Variants in DIP2B observed in about 807,000 individuals in gnomAD.
DIP2B encodes the protein disco-interacting protein 2 homolog B.
In DIP2B, 76 loss-of-function variants were observed where a neutral mutation model predicts 198.0. That is an observed-to-expected ratio of 0.38 (90% confidence interval 0.32 to 0.46). DIP2B has a LOEUF of 0.46. Among genes scored for constraint, DIP2B ranks in the 20% least tolerant of loss-of-function variants. The pLI is 0.99. For missense variants in DIP2B, 1,559 were observed against 1,978.4 expected (o/e 0.79, Z 4.02); for synonymous variants, 701 against 739.1 (o/e 0.95, Z 0.84).
At chr12:50,668,693 A>G (rs1307513337) in intron 4 of DIP2B, among the ~76,000 whole-genome samples, 1 of 152,216 alleles carries the variant, frequency 6.6e-6, no homozygotes, top group Non-Finnish European at 1.5e-5. Context: ...AAAGCAGCCC[A>G]CAAATCCAAT....
In DIP2B at chr12:50,714,497, A is replaced by G. The variant is rs1229787910; in HGVS notation, c.2752A>G (p.Lys918Glu). Residue 918 changes from lysine (K) to glutamate (E), a missense_variant, in exon 23 of 38, where the codon AAA (lysine) becomes GAA (glutamate). Lys to Glu is a moderately conservative substitution (Grantham distance 56, BLOSUM62 1). Transcript: ENST00000301180. ...AGGAGGAATCCATATATCTCAGACG[A>G]AACAACTCTTTCTGGAGGGATCACT... Reference protein sequence around the residue: ...PLGGIHISQTKQLFLEGSLHP... With the variant: ...PLGGIHISQTEQLFLEGSLHP... The G allele has an allele frequency of 1.2e-6, 2 of 1,614,100 alleles. No homozygotes were observed. The highest frequency in any genetic ancestry group is 1.7e-6 in the Non-Finnish European group (2 of 1,180,042).
At chr12:50,563,402 G>C (rs1022009976) in intron 1 of DIP2B, among the ~76,000 whole-genome samples, 6 of 151,050 alleles carry the variant, frequency 4.0e-5, no homozygotes, top group African/African-American at 1.5e-4. Context: ...GCCCAGGCTG[G>C]TCTTGAACTC....
intron 1 of DIP2B, among the ~76,000 whole-genome samples, chr12:50,578,560 T>C (rs1371858438): frequency 5.2e-5 from 7 of 134,864 alleles, no homozygotes; most frequent in African/African-American, 2.0e-4. Context: ...CAGGCGGGAG[T>C]GCAGTGGCGC....
At chr12:50,673,522 C>G (rs895916410) in intron 5 of DIP2B, among the ~76,000 whole-genome samples, 1 of 152,176 alleles carries the variant, frequency 6.6e-6, no homozygotes, top group Admixed American at 6.5e-5. Context: ...TGTGGTGGCA[C>G]ACGCCTGTAA....
At chr12:50,593,706 C>CT (rs1480097687) in intron 1 of DIP2B, among the ~76,000 whole-genome samples, 24 of 46,804 alleles carry the variant, frequency 5.1e-4, no homozygotes, top group African/African-American at 1.8e-3. Flanking sequence ...CTCTCCTCTC[C>CT]CCTCCTCTCC....
chr12:50,598,408 C>T (rs1958897165), intron 1 of DIP2B, among the ~76,000 whole-genome samples: 2 of 151,976 alleles, frequency 1.3e-5, no homozygotes, highest in Non-Finnish European at 2.9e-5. Context: ...CCTCACACTA[C>T]CCTCCTTTTC....
chr12:50,692,988 C>G lies in DIP2B; in HGVS notation c.1694C>G (p.Ala565Gly). Residue 565 changes from alanine to glycine, a missense_variant, in exon 14 of 38, where the codon GCT becomes GGT. Coordinates refer to ENST00000301180, the MANE Select transcript of DIP2B (RefSeq NM_173602.3). Reference sequence around the variant, plus strand: ...AATGTCTTAGACTTTAAGAAGGATGCTGGGCTGTGGCACGGCATGTTTGCG... The same window carrying G: ...AATGTCTTAGACTTTAAGAAGGATGGTGGGCTGTGGCACGGCATGTTTGCG... Reference protein sequence around the residue: ...IVNVLDFKKDAGLWHGMFANV... With the variant: ...IVNVLDFKKDGGLWHGMFANV... The G allele has an allele frequency of 6.2e-7, 1 of 1,610,590 alleles. No individual in the cohort carries two copies. The highest frequency in any genetic ancestry group is 8.5e-7 in the Non-Finnish European group (1 of 1,179,180).
At position 50,698,461 on chromosome 12, in the gene DIP2B, C is replaced by A; in HGVS notation, c.2182C>A (p.Pro728Thr). Residue 728 changes from proline (P) to threonine (T), a missense_variant, in exon 18 of 38, where the codon CCT (proline) becomes ACT (threonine). Transcript: ENST00000301180. ...LTVQDVGHVM[P>T]GGMMCIVKPD... ...GGTCCAGGATGTAGGGCATGTAATG[C>A]CTGGTGGTGAGTCGCAAGGAGCATC... The A allele has an allele frequency of 1.2e-6, 2 of 1,611,682 alleles. 1 individual carries two copies. The highest frequency in any genetic ancestry group is 2.2e-5 in the South Asian group (2 of 90,442).
At chr12:50,571,773 C>T (rs137874842) in intron 1 of DIP2B, among the ~76,000 whole-genome samples, 10,841 of 151,688 alleles carry the variant, frequency 0.071, 813 homozygotes, top group East Asian at 0.36. Context: ...AGGATGGTCT[C>T]GATCTCGATC....
At position 50,691,274 on chromosome 12, in the gene DIP2B, T is replaced by C. The variant is rs1364860672; in HGVS notation, c.1654+123T>C. Reference sequence around the variant, plus strand: ...TCAGAGTGAAATGTCCCAAGACACATTCTTGGCTTGCTTTTGTTTTCTTCT... The same window carrying C: ...TCAGAGTGAAATGTCCCAAGACACACTCTTGGCTTGCTTTTGTTTTCTTCT... On this transcript the variant is annotated intron_variant, in intron 13 of 37. Transcript: ENST00000301180. The C allele has an allele frequency of 4.5e-6, 4 of 885,206 alleles. No homozygotes were observed. The African/African-American group carries it at 6.9e-5, about 15-fold the overall frequency. 54.8% of individuals were successfully genotyped at this position (885,206 alleles called of 1,614,324 possible). A position where few individuals can be genotyped will look rare whatever the true frequency, so the allele number is the denominator to read the frequency against.
intron 1 of DIP2B, among the ~76,000 whole-genome samples, chr12:50,550,320 AT>A (rs924557080): frequency 1.3e-4 from 20 of 150,204 alleles, no homozygotes; most frequent in African/African-American, 3.7e-4. Context: ...TTCTTCATTG[AT>A]TTTTTTTTTC....
intron 3 of DIP2B, among the ~76,000 whole-genome samples, chr12:50,648,706 C>A (rs189064261): frequency 5.9e-5 from 9 of 151,428 alleles, no homozygotes; most frequent in Middle Eastern, 3.4e-3. Flanking sequence ...TTCCCCCCCC[C>A]CTCCTTACTT....
In DIP2B at chr12:50,748,417, A is replaced by G; in HGVS notation, c.*3578A>G. The G allele has an allele frequency of 6.6e-6, 1 of 152,670 alleles. No homozygotes were observed. Among genetic ancestry groups the G allele is most frequent in the Non-Finnish European group, 1.5e-5 (1 of 68,050 alleles). The allele number at this position is 152,670 out of a possible 1,614,324, so 9.5% of individuals were successfully genotyped here. On this transcript the variant is annotated 3_prime_UTR_variant, in exon 38 of 38. Coordinates refer to ENST00000301180, the MANE Select transcript of DIP2B (RefSeq NM_173602.3). ...TTGGGCCATGTTACTTGTCCAGAGG[A>G]AGAGACTAAAGATATAAGAATAATT...
intron 1 of DIP2B, among the ~76,000 whole-genome samples, chr12:50,599,929 G>C (rs1302984425): frequency 6.6e-6 from 1 of 152,128 alleles, no homozygotes; most frequent in African/African-American, 2.4e-5. Context: ...TATGACAACA[G>C]TTCTCTAAGG....
chr12:50,727,362 A>G lies in DIP2B; in HGVS notation c.3401-341A>G, dbSNP rs561395367. On this transcript the variant is annotated intron_variant, in intron 28 of 37. Coordinates refer to ENST00000301180, the MANE Select transcript of DIP2B (RefSeq NM_173602.3). The stretch of plus-strand genomic sequence containing the variant: ...AGAGATTCATTTTAGAGAAAAAGAA[A>G]ACAGACACAAAGAGGTGAAATAACT... Among the ~76,000 whole-genome samples the G allele has an allele frequency of 5.3e-5, 8 of 152,334 alleles. No homozygotes were observed. In the South Asian group the frequency reaches 1.7e-3, roughly 32 times the overall value.
chr12:50,545,866 C>G (rs1407814245), intron 1 of DIP2B, among the ~76,000 whole-genome samples: 13 of 151,970 alleles, frequency 8.6e-5, no homozygotes, highest in Non-Finnish European at 1.5e-4. Context: ...GAACTCCTGA[C>G]CTCAAGTGAT....
chr12:50,666,853 C>T (rs1476680377), intron 4 of DIP2B, among the ~76,000 whole-genome samples: 3 of 152,170 alleles, frequency 2.0e-5, no homozygotes, highest in African/African-American at 7.2e-5. Context: ...AACCTTGTCT[C>T]TACTAAATAA....
chr12:50,578,433 T>C (rs1958682761), intron 1 of DIP2B, among the ~76,000 whole-genome samples: 1 of 152,162 alleles, frequency 6.6e-6, no homozygotes, highest in Non-Finnish European at 1.5e-5. Context: ...ACATATTTCA[T>C]TATATAGAAT....
intron 1 of DIP2B, among the ~76,000 whole-genome samples, chr12:50,569,152 A>G (rs1446618242): frequency 1.3e-5 from 2 of 150,832 alleles, no homozygotes; most frequent in Non-Finnish European, 2.9e-5. Flanking sequence ...GATAGAATAT[A>G]ATTTGTTAAT....
Sources: allele counts gnomAD v4.1 joint callset (sites outside exome capture counted in the v4.1 genomes callset), GRCh38; gene constraint gnomAD v4.1.1; transcripts MANE v1.5; gene names NCBI Gene and HGNC (gene_info 2026-07-23, HGNC 2026-07-21).